The following PAPOLG variants were observed in gnomAD, a reference collection of about 807,000 sequenced individuals.
PAPOLG encodes PAP-gamma.
PAPOLG carries 40 observed loss-of-function variants against 99.0 expected under a neutral mutation model. The ratio of observed to expected loss-of-function variants is 0.40; its 90% CI spans 0.31 to 0.53. PAPOLG has a LOEUF of 0.53. PAPOLG is among the 20% of genes least tolerant of loss of function. PAPOLG has a pLI of 0.41. For missense variants in PAPOLG, 675 were observed against 884.1 expected, an observed-to-expected ratio of 0.76 and a Z score of 3.00; for synonymous variants, 310 against 299.3, an observed-to-expected ratio of 1.04 and a Z score of -0.37.
chr2:60,776,024 A>C (rs530002328), intron 8 of PAPOLG, among the ~76,000 whole-genome samples: 2 of 152,308 alleles, frequency 1.3e-5, no homozygotes, highest in South Asian at 4.1e-4. Context: ...CGGCCTCCCA[A>C]AGTGCTGGGA....
Position 60,773,023 on chromosome 2 carries a change from C to T in PAPOLG, c.604+1393C>T, listed in dbSNP as rs1378115566. Among the ~76,000 whole-genome samples the T allele has an allele frequency of 5.9e-5, 9 of 152,234 alleles. No individual in the cohort carries two copies. The East Asian group carries it at 1.5e-3, about 26-fold the overall frequency. On this transcript the variant is annotated intron_variant, in intron 7 of 21. Coordinates refer to ENST00000238714, the MANE Select transcript of PAPOLG (RefSeq NM_022894.4). ...TCTCTGCAACCTCCGCCTCTGGGTT[C>T]AAGCGATTCTCCTGCCTCAGCCTCC... is the stretch of plus-strand genomic sequence containing the variant.
In PAPOLG at chr2:60,793,865, C is replaced by T. The variant is rs879052567; in HGVS notation, c.1769-106C>T. Reference sequence around the variant, plus strand: ...AGTCAAGGCTGCAGTGAGCTGTGATCAAGCCACTGCACTGCAGCCTGGGTG... The same window carrying T: ...AGTCAAGGCTGCAGTGAGCTGTGATTAAGCCACTGCACTGCAGCCTGGGTG... On this transcript the variant is annotated intron_variant, in intron 18 of 21. Coordinates refer to ENST00000238714, the MANE Select transcript of PAPOLG (RefSeq NM_022894.4). 3.4e-5 allele frequency: 48 copies of T among 1,410,352 alleles called. No individual in the cohort carries two copies. In the South Asian group the frequency reaches 6.3e-4, roughly 18 times the overall value. 87.4% of individuals were successfully genotyped at this position (1,410,352 alleles called of 1,614,324 possible).
In PAPOLG at chr2:60,798,150, C is replaced by T. The variant is rs916118614; in HGVS notation, c.*990C>T. On this transcript the variant is annotated 3_prime_UTR_variant, in exon 22 of 22. Coordinates refer to ENST00000238714, the MANE Select transcript of PAPOLG (RefSeq NM_022894.4). ...TCAAATAGTTTCTTCACGGACTAGGCATGCAGAAATAAGCAGTGGATTTTA... is the reference window on the plus strand; with the variant it reads ...TCAAATAGTTTCTTCACGGACTAGGTATGCAGAAATAAGCAGTGGATTTTA... 1 of 152,748 alleles carries T rather than the reference C, an allele frequency of 6.5e-6. No homozygotes were observed. The highest frequency in any genetic ancestry group is 6.5e-5 in the Admixed American group (1 of 15,274). The allele number at this position is 152,748 out of a possible 1,614,324, so 9.5% of individuals were successfully genotyped here.
At chr2:60,781,679 T>C (rs753412886) in intron 10 of PAPOLG, among the ~76,000 whole-genome samples, 6 of 152,248 alleles carry the variant, frequency 3.9e-5, no homozygotes, top group Non-Finnish European at 8.8e-5. Flanking sequence ...AGGAAAAATA[T>C]ACTTCTGCAG....
rs1398642262 is a variant in PAPOLG at position 60,768,849 on chromosome 2, T to C, written c.397T>C (p.Phe133Leu). ...AAGATCTGATTTTTTTCAGTCTTTT[T>C]TTGAAAAATTGAAACATCAAGATGG... is the stretch of plus-strand genomic sequence containing the variant. ...VERSDFFQSF[F>L]EKLKHQDGIR... Residue 133 changes from phenylalanine to leucine, a missense_variant, in exon 5 of 22, where the codon TTT (phenylalanine) becomes CTT (leucine). Phe to Leu is a conservative substitution (Grantham distance 22). Coordinates refer to ENST00000238714, the MANE Select transcript of PAPOLG (RefSeq NM_022894.4). The C allele has an allele frequency of 6.2e-7, 1 of 1,603,070 alleles. No individual in the cohort carries two copies. The highest frequency in any genetic ancestry group is 8.5e-7 in the Non-Finnish European group (1 of 1,173,830).
At position 60,785,417 on chromosome 2, in the gene PAPOLG, G is replaced by A. The variant is rs902240523; in HGVS notation, c.1167-1530G>A. Among the ~76,000 whole-genome samples, 5 of 152,142 alleles carry A rather than the reference G, an allele frequency of 3.3e-5. No individual in the cohort carries two copies. In the South Asian group the frequency reaches 8.3e-4, roughly 25 times the overall value. On this transcript the variant is annotated intron_variant, in intron 13 of 21. Transcript: ENST00000238714. ...CTCCCAGAGTGCTGGGATTACAGGC[G>A]TTAGCCACCGTGCCCAGCCCGTGAA...
intron 13 of PAPOLG, among the ~76,000 whole-genome samples, chr2:60,784,935 A>G (rs1318497610): frequency 2.0e-5 from 3 of 152,228 alleles, no homozygotes; most frequent in Admixed American, 6.5e-5. Context: ...GTTAAAGCAC[A>G]CATAATTATA....
chr2:60,757,357 A>G (rs1670379073), intron 1 of PAPOLG, among the ~76,000 whole-genome samples: 1 of 152,168 alleles, frequency 6.6e-6, no homozygotes. Context: ...CTTGCTCCAG[A>G]TGTCTCCACA....
At position 60,775,068 on chromosome 2, in the gene PAPOLG, G is replaced by A. The variant is rs147132893; in HGVS notation, c.639G>A (p.Val213=). ...CRVTDEILHL[V]PNKETFRLTL... The stretch of plus-strand genomic sequence containing the variant: ...TTACTGATGAAATTTTGCATTTAGT[G>A]CCAAATAAAGAAACTTTTAGACTCA... Residue 213 remains valine, a synonymous_variant, in exon 8 of 22, where the codon GTG becomes GTA. Coordinates refer to ENST00000238714, the MANE Select transcript of PAPOLG (RefSeq NM_022894.4). 1.1e-4 allele frequency: 182 copies of A among 1,613,386 alleles called. No homozygotes were observed. The Middle Eastern group carries it at 1.5e-3, about 13-fold the overall frequency.
At chr2:60,781,198 A>G (rs1164363171) in intron 10 of PAPOLG, among the ~76,000 whole-genome samples, 1 of 152,104 alleles carries the variant, frequency 6.6e-6, no homozygotes, top group Non-Finnish European at 1.5e-5. Flanking sequence ...TCTACTGAAA[A>G]TATAAAAAAT....
intron 17 of PAPOLG, among the ~76,000 whole-genome samples, chr2:60,793,021 A>C (rs557690597): frequency 2.3e-4 from 35 of 152,104 alleles, no homozygotes; most frequent in African/African-American, 7.7e-4. Flanking sequence ...AGGCAACAAG[A>C]GCGAGACTCT....
chr2:60,783,031 A>G (rs1671240388), intron 12 of PAPOLG, 125 bp from the exon 13 acceptor site: 1 of 954,232 alleles, frequency 1.0e-6, no homozygotes, highest in Non-Finnish European at 1.5e-6. Context: ...TTTAATTTTC[A>G]TAAACTGTGT....
At chr2:60,757,144 A>G (rs1014960506) in intron 1 of PAPOLG, among the ~76,000 whole-genome samples, 4 of 152,226 alleles carry the variant, frequency 2.6e-5, no homozygotes, top group Non-Finnish European at 5.9e-5. Flanking sequence ...ACATGCAGAA[A>G]AATGTAGAGA....
At chr2:60,775,007 G>C (rs1553377688) in intron 7 of PAPOLG, 27 bp from the exon 8 acceptor site, 1 of 1,611,334 alleles carries the variant, frequency 6.2e-7, no homozygotes, top group South Asian at 1.1e-5. Context: ...GCTGCATAGT[G>C]AAAAATGAAT....
At chr2:60,779,883 C>T (rs893724362) in intron 9 of PAPOLG, 108 bp downstream of exon 9, 1 of 983,434 alleles carries the variant, frequency 1.0e-6, no homozygotes, top group Non-Finnish European at 1.5e-6. Flanking sequence ...TTTTACATTG[C>T]TTTGTAAAGT....
chr2:60,775,160 A>T, intron 8 of PAPOLG, 37 bp downstream of exon 8: 1 of 1,577,582 alleles, frequency 6.3e-7, no homozygotes, highest in Non-Finnish European at 8.6e-7. Context: ...GCATTATAAA[A>T]TTCTAATTTT....
At chr2:60,770,610 A>AT (rs1670822314) in intron 6 of PAPOLG, 99 bp downstream of exon 6, 5 of 748,726 alleles carry the variant, frequency 6.7e-6, no homozygotes, top group Non-Finnish European at 1.0e-5. Context: ...ATTTTAAAAA[A>AT]TCAAGTAATC....
Position 60,782,678 on chromosome 2 carries a change from T to TTTTTTGTTTTTTTG in PAPOLG, c.1028-8_1028-7insTTTTTGTTTTTTTG. 7.2e-7 allele frequency: 1 copy of TTTTTTGTTTTTTTG among 1,379,938 alleles called. No individual in the cohort carries two copies. Among genetic ancestry groups the TTTTTTGTTTTTTTG allele is most frequent in the Non-Finnish European group, 9.4e-7 (1 of 1,061,938 alleles). 85.5% of individuals were successfully genotyped at this position (1,379,938 alleles called of 1,614,324 possible). A position where few individuals can be genotyped will look rare whatever the true frequency, so the allele number is the denominator to read the frequency against. On this transcript the variant is annotated splice_polypyrimidine_tract_variant and splice_region_variant and intron_variant, in intron 11 of 21. Coordinates refer to ENST00000238714, the MANE Select transcript of PAPOLG (RefSeq NM_022894.4). The stretch of plus-strand genomic sequence containing the variant: ...CTTTTTTTTTTTTTTTTTTTTTTTT[T>TTTTTTGTTTTTTTG]AATTTAGGTCTTGCAGTCACAGATG...
At chr2:60,786,105 C>G (rs887966585) in intron 13 of PAPOLG, among the ~76,000 whole-genome samples, 2 of 151,796 alleles carry the variant, frequency 1.3e-5, no homozygotes, top group African/African-American at 4.8e-5. Flanking sequence ...TGTAAAGATT[C>G]ATAGGTAATA....
Sources: gnomAD v4.1 joint callset for allele counts (sites outside exome capture counted in the v4.1 genomes callset) on GRCh38, gnomAD v4.1.1 for gene constraint, MANE v1.5 for transcripts, NCBI Gene and HGNC (gene_info 2026-07-23, HGNC 2026-07-21) for gene names.